The following RAB3GAP2 variants were observed in gnomAD, a reference collection of about 807,000 sequenced individuals.
RAB3GAP2 encodes the protein RAB3 GTPase activating non-catalytic protein subunit 2, also known as rab3 GTPase-activating protein non-catalytic subunit.
A neutral mutation model predicts 185.3 loss-of-function variants in RAB3GAP2; 87 were observed. The observed-to-expected ratio is 0.47, with a 90% CI of 0.39 to 0.56. The LOEUF (loss-of-function observed/expected upper bound fraction) is 0.56, where lower values mean the gene tolerates loss of function less well. RAB3GAP2 is among the 20% of genes least tolerant of loss of function. The probability of loss-of-function intolerance (pLI) is 0.00; values close to 1 mark genes in which losing one functional copy is unlikely to be tolerated. For synonymous variants in RAB3GAP2, 554 were observed against 576.1 expected (o/e 0.96, Z 0.55); for missense variants, 1,492 against 1,638.2 (o/e 0.91, Z 1.54).
intron 1 of RAB3GAP2, chr1:220,254,111 T>TCTTG (rs1659989619): frequency 1.2e-6 from 2 of 1,613,902 alleles, no homozygotes; most frequent in East Asian, 4.5e-5. Context: ...CAAAAACAGC[T>TCTTG]CTTTTATCTT....
chr1:220,228,881 C>T, intron 2 of RAB3GAP2, among the ~76,000 whole-genome samples: 1 of 152,194 alleles, frequency 6.6e-6, no homozygotes, highest in East Asian at 1.9e-4. Context: ...CCATTAGGGC[C>T]ATTTGTAAAT....
intron 20 of RAB3GAP2, 66 bp downstream of exon 20, chr1:220,182,652 T>C (rs775074795): frequency 4.4e-5 from 57 of 1,304,146 alleles, no homozygotes; most frequent in Non-Finnish European, 6.0e-5. Context: ...TGAGATGCTA[T>C]ATGTTCCTAC....
intron 1 of RAB3GAP2, among the ~76,000 whole-genome samples, chr1:220,252,766 G>A (rs1659961312): frequency 6.6e-6 from 1 of 152,160 alleles, no homozygotes; most frequent in East Asian, 1.9e-4. Context: ...ACAGAGCTGT[G>A]TAGAGTCTCG....
chr1:220,151,408 T>G lies in RAB3GAP2; in HGVS notation c.4027-2A>C. ...AGTGTTTTGAAGGTCCTGGGGGTCC[T>G]GCAAATGGGACACAAAAATAACCTA... On this transcript the variant is annotated splice_acceptor_variant, in intron 34 of 34. Transcript: ENST00000358951. LOFTEE classifies it high-confidence loss of function. The G allele has an allele frequency of 6.2e-7, 1 of 1,614,180 alleles. No individual in the cohort carries two copies. The highest frequency in any genetic ancestry group is 8.5e-7 in the Non-Finnish European group (1 of 1,180,014).
intron 17 of RAB3GAP2, among the ~76,000 whole-genome samples, chr1:220,188,380 G>T (rs1436830439): frequency 1.3e-5 from 2 of 152,134 alleles, no homozygotes. Flanking sequence ...AGTAGAGTAG[G>T]AGTTCAGAGT....
At chr1:220,225,240 G>T (rs916658898) in intron 2 of RAB3GAP2, among the ~76,000 whole-genome samples, 1 of 152,032 alleles carries the variant, frequency 6.6e-6, no homozygotes, top group African/African-American at 2.4e-5. Flanking sequence ...TTGTTTCCTG[G>T]CAATTACTTA....
intron 9 of RAB3GAP2, among the ~76,000 whole-genome samples, chr1:220,197,772 T>C (rs1019942894): frequency 2.6e-5 from 4 of 152,298 alleles, no homozygotes; most frequent in East Asian, 1.9e-4. Flanking sequence ...GCAATAGATA[T>C]GCAATTTTTT....
chr1:220,204,828 C>T (rs961450879), intron 8 of RAB3GAP2, among the ~76,000 whole-genome samples: 1 of 146,486 alleles, frequency 6.8e-6, no homozygotes, highest in African/African-American at 2.5e-5. Flanking sequence ...TGAGTGAGAA[C>T]ATGCAGTGTT....
intron 2 of RAB3GAP2, among the ~76,000 whole-genome samples, chr1:220,223,132 C>G (rs376316431): frequency 6.6e-6 from 1 of 152,158 alleles, no homozygotes; most frequent in East Asian, 1.9e-4. Flanking sequence ...ACTGCAGCCT[C>G]TACCTCCTGG....
intron 27 of RAB3GAP2, among the ~76,000 whole-genome samples, chr1:220,162,645 A>G (rs1657983716): frequency 6.6e-6 from 1 of 152,200 alleles, no homozygotes; most frequent in Non-Finnish European, 1.5e-5. Context: ...ACACTCATGC[A>G]TTACTGGTGG....
chr1:220,213,787 C>T (rs998555346), intron 3 of RAB3GAP2, 69 bp downstream of exon 3: 6 of 1,444,614 alleles, frequency 4.2e-6, no homozygotes, highest in South Asian at 2.3e-5. Flanking sequence ...ATATTCTTTT[C>T]ACCTAATCCA....
chr1:220,267,788 C>T, intron 1 of RAB3GAP2: 1 of 1,488,488 alleles, frequency 6.7e-7, no homozygotes, highest in Non-Finnish European at 9.4e-7. Flanking sequence ...CCCACTGAGC[C>T]TGGCCACTAT....
At chr1:220,156,997 G>A (rs994948937) in intron 31 of RAB3GAP2, among the ~76,000 whole-genome samples, 1 of 152,036 alleles carries the variant, frequency 6.6e-6, no homozygotes, top group Non-Finnish European at 1.5e-5. Flanking sequence ...GGATTGGTCA[G>A]GCCTAGAGAT....
chr1:220,151,710 T>C lies in RAB3GAP2; in HGVS notation c.3922A>G (p.Thr1308Ala), dbSNP rs768896160. ...AGCGCATGAGCCAGCCTTTGCCCCG[T>C]GAGCACCAGCAGCTGAGAGGCAAGG... ...EVLASQLLVL[T>A]GQRLAHALLH... The change falls in exon 34 of 35, where the codon ACG (threonine) becomes GCG (alanine). Residue 1308 changes from threonine (T) to alanine (A), a missense_variant. This residue lies in a region of RAB3GAP2 where 387 missense variants were observed against 455.3 expected (regional missense o/e 0.85). Transcript: ENST00000358951. 3.7e-6 allele frequency: 6 copies of C among 1,612,154 alleles called. No homozygotes were observed. In the East Asian group the frequency reaches 1.1e-4, roughly 30 times the overall value.
At chr1:220,240,836 T>C (rs533782655) in intron 1 of RAB3GAP2, among the ~76,000 whole-genome samples, 57 of 152,218 alleles carry the variant, frequency 3.7e-4, no homozygotes, top group African/African-American at 1.3e-3. Flanking sequence ...AACATAACCA[T>C]AAACTCCTGT....
intron 1 of RAB3GAP2, among the ~76,000 whole-genome samples, chr1:220,251,827 G>C (rs947625440): frequency 6.6e-6 from 1 of 152,118 alleles, no homozygotes; most frequent in Non-Finnish European, 1.5e-5. Context: ...GAGCCTAGTG[G>C]AGTCTTCAGT....
At chr1:220,229,338 A>G (rs761105250) in intron 2 of RAB3GAP2, among the ~76,000 whole-genome samples, 46 of 152,252 alleles carry the variant, frequency 3.0e-4, no homozygotes, top group Non-Finnish European at 5.6e-4. Context: ...TGAGCTTGAA[A>G]AACCAGAAAT....
chr1:220,193,306 T>C lies in RAB3GAP2; in HGVS notation c.1204A>G (p.Thr402Ala). The C allele has an allele frequency of 6.2e-7, 1 of 1,614,044 alleles. No homozygotes were observed. ...LSPCNTLAAV[T>A]DDFGRVILLD... ...AAAATAACTCTGCCGAAATCATCTG[T>C]TACTGCTGCCAGTGTGTTACATGGA... is the stretch of plus-strand genomic sequence containing the variant. Residue 402 changes from threonine to alanine, a missense_variant, in exon 13 of 35, where the codon ACA becomes GCA. Thr to Ala is a moderately conservative substitution (Grantham distance 58). Coordinates refer to ENST00000358951, the MANE Select transcript of RAB3GAP2 (RefSeq NM_012414.4).
chr1:220,240,096 T>C (rs1052824726), intron 1 of RAB3GAP2, among the ~76,000 whole-genome samples: 1 of 152,032 alleles, frequency 6.6e-6, no homozygotes, highest in African/African-American at 2.4e-5. Context: ...TAAAAACAGT[T>C]CAAGAATAGC....
Sources: gnomAD v4.1 joint callset for allele counts (sites outside exome capture counted in the v4.1 genomes callset) on GRCh38, gnomAD v4.1.1 for gene constraint, gnomAD v4.1.1 regional missense constraint, MANE v1.5 for transcripts, NCBI Gene and HGNC (gene_info 2026-07-23, HGNC 2026-07-21) for gene names.